Variants in CNTN6 observed in about 807,000 individuals in gnomAD.
CNTN6 encodes contactin-6.
CNTN6 carries 137 observed loss-of-function variants against 122.8 expected under a neutral mutation model. That is an observed-to-expected ratio of 1.12 (90% CI 0.97 to 1.29). The LOEUF (loss-of-function observed/expected upper bound fraction) is 1.29. Ranked by LOEUF, CNTN6 falls within the 50% of genes most tolerant of loss-of-function variation. The probability of loss-of-function intolerance (pLI) is 0.00; values close to 1 mark genes in which losing one functional copy is unlikely to be tolerated. For missense variants in CNTN6, 1,634 were observed against 1,223.4 expected (o/e 1.34, Z -5.01); for synonymous variants, 570 against 426.0 (o/e 1.34, Z -4.16).
At chr3:1,145,818 C>T (rs940520341) in intron 1 of CNTN6, among the ~76,000 whole-genome samples, 7 of 152,086 alleles carry the variant, frequency 4.6e-5, no homozygotes, top group Admixed American at 2.6e-4. Flanking sequence ...GATTAGAAAC[C>T]TATTGTGCAT....
chr3:1,305,233 C>G (rs1698166073), intron 7 of CNTN6, among the ~76,000 whole-genome samples: 1 of 152,044 alleles, frequency 6.6e-6, no homozygotes, highest in Non-Finnish European at 1.5e-5. Flanking sequence ...AAAGTGAGGT[C>G]TAGAGAAGAA....
At chr3:1,268,007 T>C (rs1263150641) in intron 4 of CNTN6, among the ~76,000 whole-genome samples, 1 of 152,200 alleles carries the variant, frequency 6.6e-6, no homozygotes, top group Non-Finnish European at 1.5e-5. Flanking sequence ...CTTTGAACAA[T>C]ATTTATATCA....
intron 12 of CNTN6, among the ~76,000 whole-genome samples, chr3:1,354,560 C>T (rs73094904): frequency 0.015 from 2,190 of 146,826 alleles, 52 homozygotes; most frequent in African/African-American, 0.056. Flanking sequence ...GGTTTTTTTT[C>T]TTGTCTTTTC....
At chr3:1,274,087 T>C (rs1416353635) in intron 4 of CNTN6, among the ~76,000 whole-genome samples, 1 of 152,286 alleles carries the variant, frequency 6.6e-6, no homozygotes, top group East Asian at 1.9e-4. Context: ...TCAAAAACAA[T>C]AGTAAGAAAA....
intron 10 of CNTN6, among the ~76,000 whole-genome samples, chr3:1,327,816 G>A (rs1488619724): frequency 1.3e-5 from 2 of 151,764 alleles, no homozygotes; most frequent in African/African-American, 4.8e-5. Context: ...CCAAACCGGA[G>A]GAAGCTCTTC....
intron 4 of CNTN6, among the ~76,000 whole-genome samples, chr3:1,244,858 C>A (rs1177113514): frequency 7.5e-6 from 1 of 133,628 alleles, no homozygotes; most frequent in African/African-American, 2.7e-5. Flanking sequence ...GGGAGAATTA[C>A]AAAGAACCTT....
chr3:1,344,083 G>A (rs1302412493), intron 11 of CNTN6, among the ~76,000 whole-genome samples: 4 of 152,148 alleles, frequency 2.6e-5, no homozygotes, highest in African/African-American at 7.2e-5. Flanking sequence ...GTTAGTTATT[G>A]AATCTCCCTG....
At chr3:1,128,865 G>C (rs2092254941) in intron 1 of CNTN6, among the ~76,000 whole-genome samples, 1 of 151,956 alleles carries the variant, frequency 6.6e-6, no homozygotes, top group Non-Finnish European at 1.5e-5. Context: ...ACTTTTAATA[G>C]TTCAAGCTTT....
intron 12 of CNTN6, among the ~76,000 whole-genome samples, chr3:1,353,991 C>T (rs1221364452): frequency 6.6e-6 from 1 of 151,472 alleles, no homozygotes; most frequent in Non-Finnish European, 1.5e-5. Context: ...GGGATTCCTT[C>T]ACTCTGGAGG....
chr3:1,336,591 G>A (rs561003856), intron 11 of CNTN6, among the ~76,000 whole-genome samples: 2 of 152,152 alleles, frequency 1.3e-5, no homozygotes, highest in South Asian at 2.1e-4. Flanking sequence ...TTGCAGACAG[G>A]TGTTATCAAA....
At chr3:1,252,600 A>C (rs895940960) in intron 4 of CNTN6, among the ~76,000 whole-genome samples, 2 of 152,216 alleles carry the variant, frequency 1.3e-5, no homozygotes, top group African/African-American at 4.8e-5. Context: ...AGGATATTTT[A>C]ACAAAAATAA....
At chr3:1,377,144 C>A in intron 17 of CNTN6, 69 bp downstream of exon 17, 4 of 1,089,506 alleles carry the variant, frequency 3.7e-6, no homozygotes, top group Admixed American at 4.3e-5. Flanking sequence ...AACTGAAAAA[C>A]AAAAAGATTT....
At chr3:1,149,956 A>C (rs2092803328) in intron 2 of CNTN6, among the ~76,000 whole-genome samples, 1 of 152,086 alleles carries the variant, frequency 6.6e-6, no homozygotes, top group Non-Finnish European at 1.5e-5. Context: ...TTATTTATAC[A>C]AACTGGATGT....
intron 4 of CNTN6, among the ~76,000 whole-genome samples, chr3:1,243,968 G>C (rs567664878): frequency 6.6e-6 from 1 of 152,246 alleles, no homozygotes; most frequent in East Asian, 1.9e-4. Flanking sequence ...ATTGGGAACA[G>C]AGGCTAGGGA....
In CNTN6 at chr3:1,102,636, G is replaced by A. The variant is rs571511635; in HGVS notation, c.-83+9516G>A. ...CCAGCTACTCGGGAGGCTGAGGCAG[G>A]AGAATGGCGGGAACCCGGGGGGCGG... On this transcript the variant is annotated intron_variant, in intron 1 of 22. Transcript: ENST00000446702. Among the ~76,000 whole-genome samples, 10 of 150,326 alleles carry A rather than the reference G, an allele frequency of 6.7e-5. 1 individual carries two copies. The highest frequency in any genetic ancestry group is 2.1e-4 in the South Asian group (1 of 4,692).
intron 12 of CNTN6, among the ~76,000 whole-genome samples, chr3:1,358,840 G>A (rs1286506896): frequency 6.6e-6 from 1 of 152,006 alleles, no homozygotes; most frequent in Non-Finnish European, 1.5e-5. Context: ...AAAGGCTGAG[G>A]TGGGAGGATT....
intron 1 of CNTN6, among the ~76,000 whole-genome samples, chr3:1,097,488 C>A (rs978304401): frequency 3.9e-5 from 6 of 152,148 alleles, no homozygotes; most frequent in African/African-American, 4.8e-5. Flanking sequence ...AATGATCTTA[C>A]TAAAAAGCAA....
chr3:1,393,587 T>C (rs975407559), intron 20 of CNTN6, among the ~76,000 whole-genome samples: 19 of 148,440 alleles, frequency 1.3e-4, no homozygotes, highest in Non-Finnish European at 2.1e-4. Flanking sequence ...AACTCTTGTG[T>C]GTAATTCAGT....
chr3:1,341,344 C>T (rs1703864502), intron 11 of CNTN6, among the ~76,000 whole-genome samples: 1 of 152,090 alleles, frequency 6.6e-6, no homozygotes, highest in African/African-American at 2.4e-5. Context: ...TTTTCTCAGG[C>T]ATCCCAAAAT....
Sources: gnomAD v4.1 joint callset for allele counts (sites outside exome capture counted in the v4.1 genomes callset) on GRCh38, gnomAD v4.1.1 for gene constraint, MANE v1.5 for transcripts, NCBI Gene and HGNC (gene_info 2026-07-23, HGNC 2026-07-21) for gene names.